The following L3MBTL4 variants were observed in gnomAD, a reference collection of about 807,000 sequenced individuals.
L3MBTL4 encodes L3MBTL histone methyl-lysine binding protein 4, also known as lethal(3)malignant brain tumor-like protein 4.
In L3MBTL4, 70 loss-of-function variants were observed where a neutral mutation model predicts 84.5. The ratio of observed to expected loss-of-function variants is 0.83; its 90% CI spans 0.68 to 1.01. L3MBTL4 has a LOEUF of 1.01. L3MBTL4 is among the 50% of genes least tolerant of loss of function. The pLI, the probability that L3MBTL4 is intolerant of heterozygous loss-of-function variation, is 0.00. For missense variants in L3MBTL4, 715 were observed against 754.8 expected, an observed-to-expected ratio of 0.95 and a Z score of 0.62; for synonymous variants, 274 against 259.8, an observed-to-expected ratio of 1.05 and a Z score of -0.52.
At chr18:6,362,783 G>A (rs1413640148) in intron 1 of L3MBTL4, among the ~76,000 whole-genome samples, 1 of 152,234 alleles carries the variant, frequency 6.6e-6, no homozygotes, top group African/African-American at 2.4e-5. Context: ...TTGGAAAGTA[G>A]TGGGAAGAGA....
chr18:6,112,957 T>G (rs2144128770), intron 14 of L3MBTL4, among the ~76,000 whole-genome samples: 1 of 152,254 alleles, frequency 6.6e-6, no homozygotes, highest in East Asian at 1.9e-4. Context: ...GGGGAGAAAT[T>G]GCCTCTATAG....
chr18:6,126,880 G>T (rs1183257447), intron 14 of L3MBTL4, among the ~76,000 whole-genome samples: 1 of 152,138 alleles, frequency 6.6e-6, no homozygotes, highest in Non-Finnish European at 1.5e-5. Flanking sequence ...AAATACATCT[G>T]CAAGTTTATT....
At chr18:6,234,315 T>C (rs2047124375) in intron 10 of L3MBTL4, among the ~76,000 whole-genome samples, 1 of 152,002 alleles carries the variant, frequency 6.6e-6, no homozygotes. Context: ...AATTGACAAA[T>C]GGGATTTAAT....
intron 1 of L3MBTL4, among the ~76,000 whole-genome samples, chr18:6,403,025 T>C (rs1358422355): frequency 2.0e-5 from 3 of 152,180 alleles, no homozygotes; most frequent in African/African-American, 7.2e-5. Context: ...TTTTTAAATA[T>C]GTGTGGGGTT....
At chr18:6,292,506 G>A (rs551373310) in intron 4 of L3MBTL4, among the ~76,000 whole-genome samples, 2 of 152,074 alleles carry the variant, frequency 1.3e-5, no homozygotes, top group African/African-American at 4.8e-5. Context: ...TTTCCTTCTG[G>A]CCTCTTTGTT....
chr18:6,034,785 T>G (rs2056034538), intron 16 of L3MBTL4, among the ~76,000 whole-genome samples: 1 of 151,402 alleles, frequency 6.6e-6, no homozygotes, highest in African/African-American at 2.4e-5. Flanking sequence ...GTGTTCCTAT[T>G]TCTCCACATC....
intron 10 of L3MBTL4, among the ~76,000 whole-genome samples, chr18:6,235,255 A>G (rs1203922423): frequency 6.6e-6 from 1 of 152,206 alleles, no homozygotes; most frequent in Non-Finnish European, 1.5e-5. Context: ...TCAACATGGC[A>G]CATGTATACA....
At chr18:6,128,574 C>T (rs1400671958) in intron 14 of L3MBTL4, among the ~76,000 whole-genome samples, 5 of 152,026 alleles carry the variant, frequency 3.3e-5, no homozygotes, top group Non-Finnish European at 7.4e-5. Flanking sequence ...AACAACAAAA[C>T]GGTAAACATA....
At chr18:6,056,275 C>A (rs542864101) in intron 16 of L3MBTL4, among the ~76,000 whole-genome samples, 117 of 152,206 alleles carry the variant, frequency 7.7e-4, no homozygotes, top group African/African-American at 2.8e-3. Context: ...CGGACTTCAG[C>A]GCCAATCTAT....
chr18:6,185,476 C>T (rs766642740), intron 12 of L3MBTL4, among the ~76,000 whole-genome samples: 1 of 152,164 alleles, frequency 6.6e-6, no homozygotes, highest in Non-Finnish European at 1.5e-5. Flanking sequence ...TCCCTCACTG[C>T]AGGCTGCAGG....
chr18:6,265,877 C>T (rs78982069), intron 4 of L3MBTL4, among the ~76,000 whole-genome samples: 1,908 of 152,186 alleles, frequency 0.013, 35 homozygotes, highest in African/African-American at 0.043. Context: ...AGACAGCAGG[C>T]ATAAGCTTTA....
chr18:6,219,861 G>C (rs1180423776), intron 10 of L3MBTL4, among the ~76,000 whole-genome samples: 2 of 151,960 alleles, frequency 1.3e-5, no homozygotes, highest in Non-Finnish European at 2.9e-5. Flanking sequence ...CAGGCTGCAG[G>C]GAAGTGGTGG....
intron 12 of L3MBTL4, among the ~76,000 whole-genome samples, chr18:6,195,473 C>T (rs752021401): frequency 6.6e-5 from 10 of 152,222 alleles, no homozygotes; most frequent in South Asian, 4.2e-4. Flanking sequence ...GTGTGGCTCG[C>T]GGAAGCTGCA....
chr18:6,280,248 A>C (rs1478280497), intron 4 of L3MBTL4, among the ~76,000 whole-genome samples: 2 of 152,244 alleles, frequency 1.3e-5, no homozygotes, highest in Non-Finnish European at 2.9e-5. Context: ...ATGTAAAATC[A>C]TCTAAAACAG....
chr18:6,378,532 C>A (rs972221614), intron 1 of L3MBTL4, among the ~76,000 whole-genome samples: 7 of 152,192 alleles, frequency 4.6e-5, no homozygotes, highest in Admixed American at 2.0e-4. Context: ...CAGCTTTCTG[C>A]ATATGGCTAG....
rs895156741 is a variant in L3MBTL4, at chr18:6,029,372, G to A, written c.1444+51509C>T. 7 of 772,494 alleles carry A rather than the reference G, an allele frequency of 9.1e-6. No individual in the cohort carries two copies. The African/African-American group carries it at 1.3e-4, about 15-fold the overall frequency. The allele number at this position is 772,494 out of a possible 1,614,324, so 47.9% of individuals were successfully genotyped here. A position where few individuals can be genotyped will look rare whatever the true frequency, so the allele number is the denominator to read the frequency against. ...AATTAGAATAAAGAACTTTCAATAG[G>A]TAAAATGACAATTATTTGTAGGTGA... On this transcript the variant is annotated intron_variant, in intron 16 of 18. Transcript: ENST00000317931.
intron 13 of L3MBTL4, among the ~76,000 whole-genome samples, chr18:6,160,293 T>C (rs953681928): frequency 6.6e-6 from 1 of 152,228 alleles, no homozygotes; most frequent in African/African-American, 2.4e-5. Flanking sequence ...AAGTCAGCAG[T>C]GTTTGGAGTC....
intron 16 of L3MBTL4, among the ~76,000 whole-genome samples, chr18:6,069,854 G>C (rs1159327283): frequency 1.3e-5 from 2 of 152,104 alleles, no homozygotes; most frequent in African/African-American, 2.4e-5. Context: ...TTTTACTCAA[G>C]AACTAAGGTC....
At position 5,969,517 on chromosome 18, in the gene L3MBTL4, G is replaced by A. The variant is rs368389000; in HGVS notation, c.1490C>T (p.Ser497Phe). 1.2e-5 allele frequency: 19 copies of A among 1,613,392 alleles called. No homozygotes were observed. In the African/African-American group the frequency reaches 1.3e-4, roughly 11 times the overall value. The change falls in exon 17 of 19, where the codon TCC becomes TTC. Residue 497 changes from serine (S) to phenylalanine (F), a missense_variant. Ser to Phe is a radical substitution (Grantham distance 155). Coordinates refer to ENST00000317931, the MANE Select transcript of L3MBTL4 (RefSeq NM_001330559.2). ...QAQQVLHQSV[S>F]MSTVSAHPFR... ...AGGGTGGGCTGACACCGTGGACATG[G>A]ACACTGACTGGTGAAGCACCTGCTG...
Sources: allele counts gnomAD v4.1 joint callset (sites outside exome capture counted in the v4.1 genomes callset), GRCh38; gene constraint gnomAD v4.1.1; transcripts MANE v1.5; gene names NCBI Gene and HGNC (gene_info 2026-07-23, HGNC 2026-07-21).